SLC66A2: variants seen among roughly 807,000 people sequenced by gnomAD.
The protein encoded by SLC66A2 is PQ loop repeat containing 1.
SLC66A2 carries 23 observed loss-of-function variants against 25.5 expected under a neutral mutation model. The ratio of observed to expected loss-of-function variants is 0.90; its 90% CI spans 0.65 to 1.28. SLC66A2 has a LOEUF of 1.28. Ranked by LOEUF, SLC66A2 falls within the 50% of genes most tolerant of loss-of-function variation. The pLI, the probability that SLC66A2 is intolerant of heterozygous loss-of-function variation, is 0.00. For synonymous variants in SLC66A2, 193 were observed against 166.5 expected (o/e 1.16, Z -1.23); for missense variants, 396 against 373.1 (o/e 1.06, Z -0.51).
rs1248726411 is a variant in SLC66A2 at position 79,910,606 on chromosome 18, C to T, written c.609-6423G>A. Among the ~76,000 whole-genome samples the T allele has an allele frequency of 3.3e-5, 5 of 152,242 alleles. No homozygotes were observed. In the East Asian group the frequency reaches 9.6e-4, roughly 29 times the overall value. ...AGCTGTAATTTAAGGCAAGTTTAAG[C>T]TGTAATTTAACATTTTCTCATTCTA... On this transcript the variant is annotated intron_variant, in intron 5 of 5. Coordinates refer to ENST00000397778, the MANE Select transcript of SLC66A2 (RefSeq NM_025078.5).
chr18:79,944,136 T>C (rs987831134), intron 2 of SLC66A2: 1 of 152,900 alleles, frequency 6.5e-6, no homozygotes, highest in Non-Finnish European at 1.5e-5. Context: ...CAGGCACTGG[T>C]ACCCGGGTCT....
At position 79,917,236 on chromosome 18, in the gene SLC66A2, C is replaced by T. The variant is rs754859022; in HGVS notation, c.608+1948G>A. Among the ~76,000 whole-genome samples, 1 of 152,256 alleles carries T rather than the reference C, an allele frequency of 6.6e-6. No homozygotes were observed. Among genetic ancestry groups the T allele is most frequent in the South Asian group, 2.1e-4 (1 of 4,838 alleles). ...GTTTGAAGAGGATTCCCACGTCCCC[C>T]CAGCTGACGGGGCAGCCCCTGGGCT... is the stretch of plus-strand genomic sequence containing the variant. On this transcript the variant is annotated intron_variant, in intron 5 of 5. Coordinates refer to ENST00000397778, the MANE Select transcript of SLC66A2 (RefSeq NM_025078.5). The surrounding 1 kb of genome is among the most constrained non-coding windows in gnomAD (Gnocchi z 6.0).
chr18:79,926,436 G>A (rs977571075), intron 4 of SLC66A2, among the ~76,000 whole-genome samples: 7 of 152,006 alleles, frequency 4.6e-5, no homozygotes, highest in East Asian at 1.9e-4. Flanking sequence ...CACTGGTTTC[G>A]AACACTGAAC....
At position 79,940,625 on chromosome 18, in the gene SLC66A2, G is replaced by A. The variant is rs990851203; in HGVS notation, c.337+2704C>T. On this transcript the variant is annotated intron_variant, in intron 3 of 5. Transcript: ENST00000397778. The surrounding 1 kb of genome is among the most constrained non-coding windows in gnomAD (Gnocchi z 4.1). ...GGAGCTACCGATCGGGCGGCCAGAA[G>A]CCAGAGCTTTCAGTCTGAACTCCAG... 6.6e-6 allele frequency among the ~76,000 whole-genome samples: 1 copy of A among 152,118 alleles called. No individual in the cohort carries two copies. The highest frequency in any genetic ancestry group is 1.5e-5 in the Non-Finnish European group (1 of 68,008).
At chr18:79,943,935 C>A (rs6506791) in intron 2 of SLC66A2, 154,974 of 166,114 alleles carry the variant, frequency 0.93, 73,266 homozygotes, top group East Asian at 1. Flanking sequence ...CACCCACTCC[C>A]CCTCTCCCAG....
At position 79,943,236 on chromosome 18, in the gene SLC66A2, T is replaced by C. The variant is rs571569956; in HGVS notation, c.337+93A>G. 28 of 1,451,396 alleles carry C rather than the reference T, an allele frequency of 1.9e-5. No individual in the cohort carries two copies. In the South Asian group the frequency reaches 3.8e-4, roughly 20 times the overall value. The allele number at this position is 1,451,396 out of a possible 1,614,324, so 89.9% of individuals were successfully genotyped here. A position where few individuals can be genotyped will look rare whatever the true frequency, so the allele number is the denominator to read the frequency against. On this transcript the variant is annotated intron_variant, in intron 3 of 5. Coordinates refer to ENST00000397778, the MANE Select transcript of SLC66A2 (RefSeq NM_025078.5). The stretch of plus-strand genomic sequence containing the variant: ...CACCACTTGGTGAAATGAAAGCTGC[T>C]TGGATCAGGACAGATTAGAGTGGCT...
At chr18:79,907,383 G>A (rs1217129182) in intron 5 of SLC66A2, among the ~76,000 whole-genome samples, 3 of 112,456 alleles carry the variant, frequency 2.7e-5, no homozygotes, top group African/African-American at 3.4e-5. Context: ...AAGGAGTCTC[G>A]CTCTGTCACC....
Position 79,941,538 on chromosome 18 carries a change from A to G in SLC66A2, c.337+1791T>C, listed in dbSNP as rs1987667290. The G allele has an allele frequency of 6.6e-6, 1 of 152,210 alleles. No individual in the cohort carries two copies. Among genetic ancestry groups the G allele is most frequent in the Admixed American group, 6.5e-5 (1 of 15,276 alleles). 9.4% of individuals were successfully genotyped at this position (152,210 alleles called of 1,614,324 possible). On this transcript the variant is annotated intron_variant, in intron 3 of 5. Coordinates refer to ENST00000397778, the MANE Select transcript of SLC66A2 (RefSeq NM_025078.5). This position sits in a 1 kb window ranked among gnomAD's most constrained non-coding sequence, Gnocchi z 4.1. Reference sequence around the variant, plus strand: ...AACTCATCCTGGGTAACCAGAAGAGAAGTACTCCTTTGGAAGAAGTGACAC... The same window carrying G: ...AACTCATCCTGGGTAACCAGAAGAGGAGTACTCCTTTGGAAGAAGTGACAC...
rs184229531 is a variant in SLC66A2, at chr18:79,907,353, G to T, written c.609-3170C>A. On this transcript the variant is annotated intron_variant, in intron 5 of 5. Transcript: ENST00000397778. ...TGTATAGTTTTTTTTTTTTTTGGTT[G>T]TTTTTTTTTTTTTTTTGAGAAGGAG... Among the ~76,000 whole-genome samples, 355 of 85,330 alleles carry T rather than the reference G, an allele frequency of 4.2e-3. 1 individual carries two copies. Among genetic ancestry groups the T allele is most frequent in the South Asian group, 5.6e-3 (10 of 1,794 alleles). The allele number at this position is 85,330 out of a possible 152,430, so 56.0% of individuals were successfully genotyped here.
chr18:79,914,383 C>G (rs898836973), intron 5 of SLC66A2, among the ~76,000 whole-genome samples: 3 of 152,204 alleles, frequency 2.0e-5, no homozygotes, highest in Non-Finnish European at 4.4e-5. Flanking sequence ...CTGGGGATAC[C>G]ACGACGCCCC....
intron 3 of SLC66A2, among the ~76,000 whole-genome samples, chr18:79,942,250 A>G (rs916853838): frequency 1.3e-5 from 2 of 152,240 alleles, no homozygotes; most frequent in African/African-American, 4.8e-5. Context: ...AGAGGAGAGG[A>G]GAATGGCGTG....
In SLC66A2 at chr18:79,951,646, GT is replaced by G. The variant is rs1299864688; in HGVS notation, c.-166del. Reference sequence around the variant, plus strand: ...GCCGCTGACCCGCGCGCGTCTCGGCGTCAGTCCGCTCAGGCGCCGGGAAACC... The same window carrying G: ...GCCGCTGACCCGCGCGCGTCTCGGCGCAGTCCGCTCAGGCGCCGGGAAACC... On this transcript the variant is annotated 5_prime_UTR_variant, in exon 1 of 6. Coordinates refer to ENST00000397778, the MANE Select transcript of SLC66A2 (RefSeq NM_025078.5). The G allele has an allele frequency of 6.6e-6, 1 of 151,736 alleles. No individual in the cohort carries two copies. Among genetic ancestry groups the G allele is most frequent in the Non-Finnish European group, 1.5e-5 (1 of 67,640 alleles). The allele number at this position is 151,736 out of a possible 1,614,324, so 9.4% of individuals were successfully genotyped here.
At chr18:79,911,831 G>A (rs1983188794) in intron 5 of SLC66A2, among the ~76,000 whole-genome samples, 1 of 140,358 alleles carries the variant, frequency 7.1e-6, no homozygotes. Flanking sequence ...GGAGCAGGAA[G>A]GGGACAGGAG....
intron 2 of SLC66A2, 37 bp from the exon 3 acceptor site, chr18:79,943,499 C>T: frequency 6.2e-7 from 1 of 1,601,304 alleles, no homozygotes; most frequent in Non-Finnish European, 8.5e-7. Context: ...GGAGGTCCAC[C>T]CATGCCACTT....
chr18:79,949,138 G>C (rs577367277), intron 2 of SLC66A2, among the ~76,000 whole-genome samples: 5 of 152,260 alleles, frequency 3.3e-5, no homozygotes, highest in African/African-American at 1.2e-4. Flanking sequence ...ACAACTCTGG[G>C]GAAGAGGCAG....
At chr18:79,929,696 A>C (rs1986369580) in intron 4 of SLC66A2, among the ~76,000 whole-genome samples, 1 of 152,188 alleles carries the variant, frequency 6.6e-6, no homozygotes, top group Admixed American at 6.5e-5. Flanking sequence ...ATGCATAAAG[A>C]ATTAAAAGAA....
chr18:79,930,523 C>A (rs1394135610), intron 4 of SLC66A2, among the ~76,000 whole-genome samples: 1 of 152,124 alleles, frequency 6.6e-6, no homozygotes, highest in Admixed American at 6.5e-5. Context: ...CAGGTAAAGA[C>A]AATGATGTAA....
intron 5 of SLC66A2, chr18:79,915,462 A>C (rs1983867352): frequency 6.6e-6 from 1 of 152,318 alleles, no homozygotes; most frequent in South Asian, 2.1e-4. Context: ...CCTGACGAGG[A>C]TGCACAGGGT....
intron 2 of SLC66A2, among the ~76,000 whole-genome samples, chr18:79,950,256 G>A (rs2051073245): frequency 6.6e-6 from 1 of 152,194 alleles, no homozygotes; most frequent in Non-Finnish European, 1.5e-5. Context: ...CTACTCGGGA[G>A]GCTGAGATGG....
Sources: gnomAD v4.1 joint callset for allele counts (sites outside exome capture counted in the v4.1 genomes callset) on GRCh38, gnomAD v4.1.1 for gene constraint, Gnocchi (gnomAD v3.1) non-coding constraint, MANE v1.5 for transcripts, NCBI Gene and HGNC (gene_info 2026-07-23, HGNC 2026-07-21) for gene names.